Variants in AMOTL1 observed in about 807,000 individuals in gnomAD.
AMOTL1 encodes the protein angiomotin-like protein 1.
Under a neutral mutation model 102.9 loss-of-function variants are expected in AMOTL1, and 45 were observed. The ratio of observed to expected loss-of-function variants is 0.44; its 90% confidence interval spans 0.34 to 0.56. The LOEUF is 0.56. AMOTL1 is among the 20% of genes least tolerant of loss of function. AMOTL1 has a pLI of 0.01. For missense variants in AMOTL1, 1,114 were observed against 1,225.6 expected (o/e 0.91, Z 1.36); for synonymous variants, 481 against 484.7 (o/e 0.99, Z 0.10).
rs1437651146 is a variant in AMOTL1 at position 94,795,029 on chromosome 11, A to G, written c.68A>G (p.Tyr23Cys). The change falls in exon 2 of 13, where the codon TAT (tyrosine) becomes TGT (cysteine). Residue 23 changes from tyrosine to cysteine, a missense_variant. Physicochemically the swap from Tyr to Cys is radical, Grantham distance 194. Coordinates refer to ENST00000433060, the MANE Select transcript of AMOTL1 (RefSeq NM_130847.3). Reference protein sequence around the residue: ...PAVKGSPSACYSPSSPVQVLE... With the variant: ...PAVKGSPSACCSPSSPVQVLE... ...CCCCCAGGGTCCCCTTCTGCTTGTTATAGCCCCAGTAGTCCTGTCCAGGTT... is the reference window on the plus strand; with the variant it reads ...CCCCCAGGGTCCCCTTCTGCTTGTTGTAGCCCCAGTAGTCCTGTCCAGGTT... 4 of 1,611,128 alleles carry G rather than the reference A, an allele frequency of 2.5e-6. No individual in the cohort carries two copies. The highest frequency in any genetic ancestry group is 2.2e-5 in the East Asian group (1 of 44,786).
At chr11:94,757,681 G>A (rs1950743312) in intron 3 of AMOTL1, among the ~76,000 whole-genome samples, 1 of 152,138 alleles carries the variant, frequency 6.6e-6, no homozygotes, top group Non-Finnish European at 1.5e-5. Flanking sequence ...AACCACAATG[G>A]GGCAGGCCTC....
chr11:94,822,637 A>G (rs2135633933), intron 4 of AMOTL1, among the ~76,000 whole-genome samples: 1 of 152,190 alleles, frequency 6.6e-6, no homozygotes, highest in African/African-American at 2.4e-5. Context: ...AGGTGGGGAG[A>G]TGCTGAGTAA....
intron 1 of AMOTL1, among the ~76,000 whole-genome samples, chr11:94,709,628 C>G (rs57622673): frequency 0.013 from 1,903 of 152,234 alleles, 44 homozygotes; most frequent in African/African-American, 0.043. Flanking sequence ...GCCATTCAAA[C>G]TTAGCCTTCA....
intron 2 of AMOTL1, among the ~76,000 whole-genome samples, chr11:94,738,554 A>C (rs149824915): frequency 1.7e-3 from 264 of 152,278 alleles, no homozygotes; most frequent in African/African-American, 5.9e-3. Flanking sequence ...CACCATGCCC[A>C]GCCAATTTTG....
intron 6 of AMOTL1, among the ~76,000 whole-genome samples, chr11:94,835,383 G>A (rs4753634): frequency 0.22 from 33,960 of 152,140 alleles, 4,447 homozygotes; most frequent in Admixed American, 0.42. Context: ...TCTGCTAAAG[G>A]CAGAACCCCT....
chr11:94,809,558 C>T (rs1408829225), intron 3 of AMOTL1, among the ~76,000 whole-genome samples: 1 of 152,184 alleles, frequency 6.6e-6, no homozygotes, highest in Admixed American at 6.5e-5. Context: ...TCATGGTCTC[C>T]GAAGAGGAAG....
chr11:94,810,496 C>A (rs1253084649), intron 3 of AMOTL1, among the ~76,000 whole-genome samples: 294 of 133,258 alleles, frequency 2.2e-3, no homozygotes, highest in South Asian at 3.9e-3. Context: ...TATTTTAGTC[C>A]AAAAAAAAAA....
chr11:94,807,607 T>C (rs533727516), intron 3 of AMOTL1, among the ~76,000 whole-genome samples: 40 of 152,330 alleles, frequency 2.6e-4, no homozygotes, highest in African/African-American at 9.4e-4. Context: ...GGTCTTTTTT[T>C]CCTTTTGTAA....
chr11:94,839,393 A>G (rs1239996618), intron 6 of AMOTL1, among the ~76,000 whole-genome samples: 1 of 152,242 alleles, frequency 6.6e-6, no homozygotes, highest in Admixed American at 6.5e-5. Context: ...TATTGCAGGT[A>G]CTTTACAGAT....
At chr11:94,798,403 C>CTGTCTGGA (rs1420308772) in intron 2 of AMOTL1, among the ~76,000 whole-genome samples, 3 of 152,034 alleles carry the variant, frequency 2.0e-5, no homozygotes, top group Admixed American at 6.5e-5. Flanking sequence ...CAGGCAGTGG[C>CTGTCTGGA]TGTCTGGATG....
At chr11:94,784,703 A>G (rs1591961596) in intron 1 of AMOTL1, among the ~76,000 whole-genome samples, 2 of 152,260 alleles carry the variant, frequency 1.3e-5, no homozygotes, top group East Asian at 3.9e-4. Context: ...GTTTACCACA[A>G]CTTTTCAGGA....
intron 1 of AMOTL1, among the ~76,000 whole-genome samples, chr11:94,783,886 A>G (rs1177322037): frequency 1.3e-5 from 2 of 151,768 alleles, no homozygotes; most frequent in South Asian, 2.1e-4. Flanking sequence ...CCAACGACCC[A>G]TGATCCTTTG....
intron 1 of AMOTL1, among the ~76,000 whole-genome samples, chr11:94,793,928 G>A (rs1012053073): frequency 1.3e-5 from 2 of 152,140 alleles, no homozygotes; most frequent in South Asian, 2.1e-4. Context: ...GAGCACACAC[G>A]CAAATACTGT....
At chr11:94,775,310 T>C (rs1951011257) in intron 1 of AMOTL1, among the ~76,000 whole-genome samples, 1 of 152,076 alleles carries the variant, frequency 6.6e-6, no homozygotes, top group Non-Finnish European at 1.5e-5. Context: ...GTTCCTGCAG[T>C]GGATGGATGG....
chr11:94,841,562 T>C (rs1952302960), intron 6 of AMOTL1, among the ~76,000 whole-genome samples: 1 of 152,258 alleles, frequency 6.6e-6, no homozygotes, highest in Non-Finnish European at 1.5e-5. Context: ...AGTATGTATA[T>C]AGTCGAAACC....
At chr11:94,773,940 G>A (rs1167015563) in intron 1 of AMOTL1, among the ~76,000 whole-genome samples, 1 of 152,168 alleles carries the variant, frequency 6.6e-6, no homozygotes, top group Non-Finnish European at 1.5e-5. Flanking sequence ...TGGCCCTGCC[G>A]CCTCCTTGCT....
Position 94,799,974 on chromosome 11 carries a change from AGC to A in AMOTL1, c.786_787del (p.Ser262ArgfsTer40). 1 of 1,614,062 alleles carries A rather than the reference AGC, an allele frequency of 6.2e-7. No individual in the cohort carries two copies. Among genetic ancestry groups the A allele is most frequent in the Non-Finnish European group, 8.5e-7 (1 of 1,179,898 alleles). On this transcript the variant is annotated frameshift_variant, in exon 3 of 13. Transcript: ENST00000433060. LOFTEE classifies it high-confidence loss of function. This position sits in a 1 kb window ranked among gnomAD's most constrained non-coding sequence, Gnocchi z 4.5. Reference protein sequence around the residue: ...ELKQGHVRSLSERIMQLSLER... With the variant: ...ELKQGHVRSLXERIMQLSLER... ...GAAGCAGGGCCACGTCCGCTCGCTC[AGC>A]GAGAGAATCATGCAGCTGTCCCTGG... is the stretch of plus-strand genomic sequence containing the variant.
intron 8 of AMOTL1, among the ~76,000 whole-genome samples, chr11:94,857,733 A>G (rs966992211): frequency 2.0e-5 from 3 of 152,226 alleles, no homozygotes; most frequent in Non-Finnish European, 4.4e-5. Context: ...GGCACAGGGA[A>G]GTTAAAGGTC....
At chr11:94,732,663 G>A (rs1263516449) in intron 2 of AMOTL1, among the ~76,000 whole-genome samples, 2 of 152,162 alleles carry the variant, frequency 1.3e-5, no homozygotes, top group South Asian at 2.1e-4. Context: ...GATTTGGTAC[G>A]GAAGAGGAGT....
Sources: gnomAD v4.1 joint callset for allele counts (sites outside exome capture counted in the v4.1 genomes callset) on GRCh38, gnomAD v4.1.1 for gene constraint, Gnocchi (gnomAD v3.1) non-coding constraint, MANE v1.5 for transcripts, NCBI Gene and HGNC (gene_info 2026-07-23, HGNC 2026-07-21) for gene names.